TBC1D20: variants seen among roughly 807,000 people sequenced by gnomAD.
TBC1D20 encodes the protein chromosome 20 open reading frame 140.
In TBC1D20, 12 loss-of-function variants were observed where a neutral mutation model predicts 41.6. That is an observed-to-expected ratio of 0.29 (90% confidence interval 0.18 to 0.47). The LOEUF is 0.47. Ranked by LOEUF, TBC1D20 falls within the 20% of genes least tolerant of loss-of-function variation. TBC1D20 has a pLI of 1.00. For synonymous variants in TBC1D20, 205 were observed against 204.8 expected (o/e 1.00, Z -0.01); for missense variants, 421 against 517.4 (o/e 0.81, Z 1.81).
chr20:462,283 C>T (rs1183510437), intron 1 of TBC1D20, 53 bp downstream of exon 1: 20 of 1,199,240 alleles, frequency 1.7e-5, no homozygotes, highest in East Asian at 3.9e-5. Flanking sequence ...GCTGCCCCTG[C>T]CCCCCGGGCC....
chr20:452,941 C>A (rs935183601), intron 1 of TBC1D20, among the ~76,000 whole-genome samples: 2 of 151,604 alleles, frequency 1.3e-5, no homozygotes, highest in African/African-American at 2.4e-5. Flanking sequence ...CCTGAGATTG[C>A]GAGTTTGAGA....
rs899188416 is a variant in TBC1D20, at chr20:436,531, C to A, written c.*2055G>T. On this transcript the variant is annotated 3_prime_UTR_variant, in exon 8 of 8. Transcript: ENST00000354200. ...GTGGCCTTGGGACCCTGGTCACATGCACCTCCTTTCCTCAACCCCATCAAT... is the reference window on the plus strand; with the variant it reads ...GTGGCCTTGGGACCCTGGTCACATGAACCTCCTTTCCTCAACCCCATCAAT... The A allele has an allele frequency of 1.3e-5, 2 of 153,724 alleles. No homozygotes were observed. The highest frequency in any genetic ancestry group is 2.9e-5 in the Non-Finnish European group (2 of 68,058). 9.5% of individuals were successfully genotyped at this position (153,724 alleles called of 1,614,324 possible). A position where few individuals can be genotyped will look rare whatever the true frequency, so the allele number is the denominator to read the frequency against.
In TBC1D20 at chr20:462,359, C is replaced by A; in HGVS notation, c.47G>T (p.Trp16Leu). ...AQGDGPTSGH[W>L]DGGAEKADFN... ...ACCTGCCTTCTCCGCGCCGCCGTCC[C>A]AGTGGCCGGAGGTGGGGCCGTCGCC... Residue 16 changes from tryptophan to leucine, a missense_variant, in exon 1 of 8, where the codon TGG becomes TTG. Physicochemically the swap from Trp to Leu is moderately conservative, Grantham distance 61. Coordinates refer to ENST00000354200, the MANE Select transcript of TBC1D20 (RefSeq NM_144628.4). 1 of 1,307,958 alleles carries A rather than the reference C, an allele frequency of 7.6e-7. No homozygotes were observed. The highest frequency in any genetic ancestry group is 9.8e-7 in the Non-Finnish European group (1 of 1,018,896). 81.0% of individuals were successfully genotyped at this position (1,307,958 alleles called of 1,614,324 possible). A position where few individuals can be genotyped will look rare whatever the true frequency, so the allele number is the denominator to read the frequency against.
intron 3 of TBC1D20, 38 bp from the exon 4 acceptor site, chr20:442,081 G>A: frequency 6.5e-7 from 1 of 1,532,594 alleles, no homozygotes; most frequent in Non-Finnish European, 8.8e-7. Context: ...AACATACCAA[G>A]CAGCCTAGTT....
chr20:455,346 T>C (rs979412195), intron 1 of TBC1D20, among the ~76,000 whole-genome samples: 3 of 152,104 alleles, frequency 2.0e-5, no homozygotes, highest in Non-Finnish European at 4.4e-5. Context: ...ATAAAACCCC[T>C]TCTGGGCACA....
chr20:450,837 T>C (rs1304021421), intron 1 of TBC1D20: 2 of 152,202 alleles, frequency 1.3e-5, no homozygotes, highest in African/African-American at 4.8e-5. Flanking sequence ...CATTTTTCTA[T>C]GTGAAATAAC....
intron 5 of TBC1D20, 104 bp from the exon 6 acceptor site, chr20:440,493 C>T: frequency 7.0e-7 from 1 of 1,425,370 alleles, no homozygotes. Flanking sequence ...AATAAGATTT[C>T]TGGAAAATTC....
At chr20:446,940 C>T (rs1327146886) in intron 2 of TBC1D20, among the ~76,000 whole-genome samples, 9 of 140,326 alleles carry the variant, frequency 6.4e-5, no homozygotes, top group African/African-American at 8.1e-5. Context: ...CCACAAAATA[C>T]GCATTTTTTT....
Position 438,245 on chromosome 20 carries a change from T to G in TBC1D20, c.*341A>C. On this transcript the variant is annotated 3_prime_UTR_variant, in exon 8 of 8. Coordinates refer to ENST00000354200, the MANE Select transcript of TBC1D20 (RefSeq NM_144628.4). ...CACCTTCTATGGGGTGACTAGGAGG[T>G]TCCCGGTAACTAGGGCAGCCCAGGC... 3.7e-6 allele frequency: 1 copy of G among 267,542 alleles called. No individual in the cohort carries two copies. The highest frequency in any genetic ancestry group is 7.2e-6 in the Non-Finnish European group (1 of 138,016). 16.6% of individuals were successfully genotyped at this position (267,542 alleles called of 1,614,324 possible).
chr20:436,546 A>G lies in TBC1D20; in HGVS notation c.*2040T>C, dbSNP rs994786283. ...TGGTCACATGCACCTCCTTTCCTCA[A>G]CCCCATCAATTCCTTCAGTATTTAC... On this transcript the variant is annotated 3_prime_UTR_variant, in exon 8 of 8. Transcript: ENST00000354200. 4.6e-5 allele frequency: 7 copies of G among 153,530 alleles called. No individual in the cohort carries two copies. In the East Asian group the frequency reaches 1.3e-3, roughly 30 times the overall value. 9.5% of individuals were successfully genotyped at this position (153,530 alleles called of 1,614,324 possible).
rs587777157 is a variant in TBC1D20, at chr20:447,946, G to A, written c.199C>T (p.Arg67Ter). The A allele has an allele frequency of 1.9e-6, 3 of 1,614,074 alleles. No homozygotes were observed. The highest frequency in any genetic ancestry group is 1.7e-5 in the Admixed American group (1 of 60,004). The change falls in exon 2 of 8, where the codon CGA (arginine) becomes TGA (stop). Residue 67 changes from arginine (R) to a stop codon, truncating the protein, a stop_gained. Transcript: ENST00000354200. LOFTEE classifies it high-confidence loss of function. Reference protein sequence around the residue: ...EGGLLTDEIRRKVWPKLLNVN... With the variant: ...EGGLLTDEIR ...TTGAGGAGCTTGGGCCACACTTTTC[G>A]TCTGATCTCATCAGTCAGGAGCCCT...
chr20:445,830 T>A (rs1600333375), intron 2 of TBC1D20, among the ~76,000 whole-genome samples: 1 of 152,348 alleles, frequency 6.6e-6, no homozygotes, highest in Middle Eastern at 3.4e-3. Context: ...TGGGCAACAC[T>A]TCCTCACACG....
rs143293849 is a variant in TBC1D20 at position 441,653 on chromosome 20, A to G, written c.561T>C (p.His187=). ...TGATGGGCATCAGATAGTTTAATAT[A>G]TGCTTGGTGTTGTCCATTGTTGGAT... ...FMDPTMDNTK[H]ILNYLMPIID... is the part of the protein sequence containing the mutation. Residue 187 remains histidine, a synonymous_variant, in exon 5 of 8, where the codon CAT becomes CAC. Coordinates refer to ENST00000354200, the MANE Select transcript of TBC1D20 (RefSeq NM_144628.4). 1.2e-6 allele frequency: 2 copies of G among 1,614,132 alleles called. No homozygotes were observed. Among genetic ancestry groups the G allele is most frequent in the East Asian group, 4.5e-5 (2 of 44,886 alleles).
intron 1 of TBC1D20, among the ~76,000 whole-genome samples, chr20:453,009 C>T (rs1171706154): frequency 2.0e-5 from 3 of 150,992 alleles, no homozygotes; most frequent in Admixed American, 6.6e-5. Flanking sequence ...ATTAGCCGGG[C>T]GTGGTGGCAC....
intron 5 of TBC1D20, 36 bp from the exon 6 acceptor site, chr20:440,425 G>A: frequency 5.6e-6 from 9 of 1,611,826 alleles, no homozygotes; most frequent in Non-Finnish European, 6.8e-6. Flanking sequence ...CAGGTCCTGT[G>A]GGCCATCCCT....
intron 2 of TBC1D20, among the ~76,000 whole-genome samples, chr20:446,267 ATTAG>A (rs1341890968): frequency 6.6e-6 from 1 of 152,352 alleles, no homozygotes; most frequent in African/African-American, 2.4e-5. Flanking sequence ...GGCCTTGCAC[ATTAG>A]TTAGGTAACT....
rs2122387260 is a variant in TBC1D20, at chr20:441,862, G to A, written c.519C>T (p.His173=). The change falls in exon 4 of 8, where the codon CAC becomes CAT. Residue 173 remains histidine (H), a synonymous_variant. Transcript: ENST00000354200. ...TSLVEKLSTH[H]LRDFMDPTMD... Reference sequence around the variant, plus strand: ...GTGTTCCTCTCTACTGGTACCTGAGGTGGTGGGTAGATAATTTTTCTACCA... The same window carrying A: ...GTGTTCCTCTCTACTGGTACCTGAGATGGTGGGTAGATAATTTTTCTACCA... The A allele has an allele frequency of 6.2e-7, 1 of 1,613,792 alleles. No homozygotes were observed. Among genetic ancestry groups the A allele is most frequent in the Non-Finnish European group, 8.5e-7 (1 of 1,179,800 alleles).
rs1478460675 is a variant in TBC1D20 at position 448,044 on chromosome 20, G to A, written c.101C>T (p.Ala34Val). 6.2e-7 allele frequency: 1 copy of A among 1,613,592 alleles called. No homozygotes were observed. Among genetic ancestry groups the A allele is most frequent in the Non-Finnish European group, 8.5e-7 (1 of 1,179,574 alleles). The change falls in exon 2 of 8, where the codon GCA (alanine) becomes GTA (valine). Residue 34 changes from alanine to valine, a missense_variant. By Grantham distance (64) the Ala-to-Val change is moderately conservative. Coordinates refer to ENST00000354200, the MANE Select transcript of TBC1D20 (RefSeq NM_144628.4). ...DFNAKRKKKV[A>V]EIHQALNSDP... ...ACTGTTCAGAGCCTGGTGTATCTCT[G>A]CCACTTTCTTTTTCCTTTTGGCGTT...
rs149339513 is a variant in TBC1D20, at chr20:438,223, C to T, written c.*363G>A. ...GAGGGCATCCCATGTTCCAGTTCACCTTCTATGGGGTGACTAGGAGGTTCC... is the reference window on the plus strand; with the variant it reads ...GAGGGCATCCCATGTTCCAGTTCACTTTCTATGGGGTGACTAGGAGGTTCC... On this transcript the variant is annotated 3_prime_UTR_variant, in exon 8 of 8. Transcript: ENST00000354200. The T allele has an allele frequency of 4.6e-6, 1 of 215,402 alleles. No homozygotes were observed. The highest frequency in any genetic ancestry group is 9.4e-6 in the Non-Finnish European group (1 of 105,828). The allele number at this position is 215,402 out of a possible 1,614,324, so 13.3% of individuals were successfully genotyped here. A position where few individuals can be genotyped will look rare whatever the true frequency, so the allele number is the denominator to read the frequency against.
Sources: gnomAD v4.1 joint callset for allele counts (sites outside exome capture counted in the v4.1 genomes callset) on GRCh38, gnomAD v4.1.1 for gene constraint, MANE v1.5 for transcripts, NCBI Gene and HGNC (gene_info 2026-07-23, HGNC 2026-07-21) for gene names.